ATP9A: variants seen among roughly 807,000 people sequenced by gnomAD.
ATP9A encodes probable phospholipid-transporting ATPase IIA.
ATP9A carries 52 observed loss-of-function variants against 144.1 expected under a neutral mutation model. The observed-to-expected ratio is 0.36, with a 90% confidence interval of 0.29 to 0.45. The LOEUF is 0.45. ATP9A is among the 20% of genes least tolerant of loss of function. The pLI, the probability that ATP9A is intolerant of heterozygous loss-of-function variation, is 1.00. For synonymous variants in ATP9A, 582 were observed against 557.4 expected (o/e 1.04, Z -0.62); for missense variants, 947 against 1,392.7 (o/e 0.68, Z 5.09).
At chr20:51,610,058 G>A in intron 24 of ATP9A, 43 bp downstream of exon 24, 2 of 1,512,280 alleles carry the variant, frequency 1.3e-6, no homozygotes, top group Non-Finnish European at 9.2e-7. Flanking sequence ...AGCATTTGAA[G>A]AAGGTTTTGT....
chr20:51,751,061 A>C (rs2077829349), intron 1 of ATP9A, among the ~76,000 whole-genome samples: 1 of 152,128 alleles, frequency 6.6e-6, no homozygotes, highest in Non-Finnish European at 1.5e-5. Context: ...AAAGAAGGGA[A>C]GGAAGAAGGG....
intron 7 of ATP9A, among the ~76,000 whole-genome samples, chr20:51,692,259 T>C (rs1601108229): frequency 1.3e-5 from 2 of 152,256 alleles, no homozygotes; most frequent in Admixed American, 6.5e-5. Context: ...TTATGTTATG[T>C]GTATTTTAGC....
At chr20:51,755,961 A>G (rs903135266) in intron 1 of ATP9A, among the ~76,000 whole-genome samples, 3 of 100,522 alleles carry the variant, frequency 3.0e-5, no homozygotes, top group African/African-American at 1.0e-4. Context: ...TCTCAAAGAA[A>G]AAAAAAAAAG....
intron 14 of ATP9A, among the ~76,000 whole-genome samples, chr20:51,650,095 C>T (rs1193132630): frequency 6.6e-6 from 1 of 152,052 alleles, no homozygotes; most frequent in Non-Finnish European, 1.5e-5. Flanking sequence ...CAGGAACCCA[C>T]GGCAGATGTT....
intron 4 of ATP9A, among the ~76,000 whole-genome samples, chr20:51,707,397 C>T (rs1002362741): frequency 1.3e-5 from 2 of 152,138 alleles, no homozygotes; most frequent in Admixed American, 6.5e-5. Context: ...AATCCACCCA[C>T]TGACACTTAA....
chr20:51,601,244 G>A lies in ATP9A; in HGVS notation c.3111C>T (p.Phe1037=). Residue 1037 remains phenylalanine (F), a synonymous_variant, in exon 28 of 28, where the codon TTC becomes TTT. Transcript: ENST00000338821. ...LYVLKYLRRR[F]SPPSYSKLTS ...TGAGCTTTGAGTAGCTGGGGGGAGA[G>A]AACCGTCTTCGCAGGTACTTGAGGA... 1 of 1,613,778 alleles carries A rather than the reference G, an allele frequency of 6.2e-7. No homozygotes were observed. Among genetic ancestry groups the A allele is most frequent in the Non-Finnish European group, 8.5e-7 (1 of 1,179,814 alleles).
chr20:51,622,071 T>C lies in ATP9A; in HGVS notation c.2115+3A>G. On this transcript the variant is annotated splice_donor_region_variant and intron_variant, in intron 19 of 27. Coordinates refer to ENST00000338821, the MANE Select transcript of ATP9A (RefSeq NM_006045.3). ...CATGGCCCTAACGCAGAGGACACTT[T>C]ACCAGCCGAAAAACGTGGATGTCTT... 1 of 1,613,996 alleles carries C rather than the reference T, an allele frequency of 6.2e-7. No homozygotes were observed.
chr20:51,645,789 CTGAGA>C (rs1418832573), intron 14 of ATP9A, among the ~76,000 whole-genome samples: 1 of 152,164 alleles, frequency 6.6e-6, no homozygotes, highest in African/African-American at 2.4e-5. Context: ...GGGGAGTGAG[CTGAGA>C]TAACTGCATT....
intron 13 of ATP9A, among the ~76,000 whole-genome samples, chr20:51,662,177 G>A (rs1341122611): frequency 1.3e-5 from 2 of 152,168 alleles, no homozygotes; most frequent in African/African-American, 4.8e-5. Flanking sequence ...AACTGTGCTA[G>A]CACAAGGTTG....
intron 19 of ATP9A, 93 bp from the exon 20 acceptor site, chr20:51,619,136 G>A (rs906290525): frequency 2.8e-5 from 31 of 1,091,558 alleles, no homozygotes; most frequent in African/African-American, 9.3e-5. Context: ...TGAAGACAAC[G>A]GCCACCCCAG....
intron 19 of ATP9A, among the ~76,000 whole-genome samples, chr20:51,620,778 G>A (rs1358835875): frequency 1.3e-5 from 2 of 152,156 alleles, no homozygotes; most frequent in African/African-American, 4.8e-5. Flanking sequence ...TTCGTCACAC[G>A]GGGCTGAAAG....
intron 22 of ATP9A, 53 bp from the exon 23 acceptor site, chr20:51,613,885 C>T: frequency 1.3e-6 from 2 of 1,511,156 alleles, no homozygotes; most frequent in East Asian, 4.7e-5. Flanking sequence ...TCAGGGCAAA[C>T]ACATTTTCTT....
chr20:51,662,061 G>A (rs2077413105), intron 13 of ATP9A, among the ~76,000 whole-genome samples: 1 of 152,126 alleles, frequency 6.6e-6, no homozygotes, highest in South Asian at 2.1e-4. Flanking sequence ...CAAGGCACAG[G>A]ACAGCCTCCC....
intron 22 of ATP9A, among the ~76,000 whole-genome samples, chr20:51,616,269 G>A (rs994760028): frequency 1.4e-4 from 22 of 152,190 alleles, no homozygotes; most frequent in African/African-American, 5.1e-4. Context: ...GGACAGGGGA[G>A]CATCTCTGCT....
At chr20:51,635,343 C>T (rs923519173) in intron 15 of ATP9A, among the ~76,000 whole-genome samples, 57 of 152,168 alleles carry the variant, frequency 3.7e-4, no homozygotes, top group Non-Finnish European at 6.0e-4. Context: ...GAATCTTAGA[C>T]CCCTTGAGCC....
At chr20:51,651,468 A>G (rs2122763305) in intron 14 of ATP9A, among the ~76,000 whole-genome samples, 1 of 148,746 alleles carries the variant, frequency 6.7e-6, no homozygotes, top group Admixed American at 6.8e-5. Flanking sequence ...ATATATATGT[A>G]TATTTAAATA....
chr20:51,667,700 G>C (rs925348620), intron 13 of ATP9A, among the ~76,000 whole-genome samples: 1 of 152,042 alleles, frequency 6.6e-6, no homozygotes, highest in Non-Finnish European at 1.5e-5. Flanking sequence ...AGGGGGTCAC[G>C]GCAGACAGGC....
chr20:51,730,430 T>C (rs1358306676), intron 1 of ATP9A, among the ~76,000 whole-genome samples: 5 of 152,210 alleles, frequency 3.3e-5, no homozygotes, highest in African/African-American at 1.2e-4. Flanking sequence ...ATCGCACCAC[T>C]GCACTCCAGC....
At chr20:51,763,314 C>CTTTT (rs199506194) in intron 1 of ATP9A, among the ~76,000 whole-genome samples, 1,902 of 135,136 alleles carry the variant, frequency 0.014, 23 homozygotes, top group Non-Finnish European at 0.023. Flanking sequence ...GGTTTACATA[C>CTTTT]TTTTTTTTTT....
Sources: allele counts gnomAD v4.1 joint callset (sites outside exome capture counted in the v4.1 genomes callset), GRCh38; gene constraint gnomAD v4.1.1; transcripts MANE v1.5; gene names NCBI Gene and HGNC (gene_info 2026-07-23, HGNC 2026-07-21).